The following KIAA0319 variants were observed in gnomAD, a reference collection of about 807,000 sequenced individuals.
KIAA0319 encodes KIAA0319.
A neutral mutation model predicts 108.4 loss-of-function variants in KIAA0319; 83 were observed. The ratio of observed to expected loss-of-function variants is 0.77; its 90% CI spans 0.64 to 0.92. The LOEUF (loss-of-function observed/expected upper bound fraction) is 0.92. KIAA0319 is among the 40% of genes least tolerant of loss of function. The pLI, the probability that KIAA0319 is intolerant of heterozygous loss-of-function variation, is 0.00. For synonymous variants in KIAA0319, 484 were observed against 510.4 expected (o/e 0.95, Z 0.70); for missense variants, 1,195 against 1,322.4 (o/e 0.90, Z 1.49).
intron 1 of KIAA0319, among the ~76,000 whole-genome samples, chr6:24,612,143 G>A (rs1698623280): frequency 6.6e-6 from 1 of 151,830 alleles, no homozygotes; most frequent in African/African-American, 2.4e-5. Context: ...TTTTACCTAA[G>A]AGATTGTCAC....
intron 1 of KIAA0319, among the ~76,000 whole-genome samples, chr6:24,629,470 G>C (rs1370107188): frequency 2.4e-5 from 3 of 124,166 alleles, no homozygotes; most frequent in Non-Finnish European, 4.7e-5. Context: ...AGCCGAGATC[G>C]TGCCACTGCA....
intron 14 of KIAA0319, among the ~76,000 whole-genome samples, 198 bp from the exon 15 acceptor site, chr6:24,564,538 G>T (rs547802887): frequency 1.3e-5 from 2 of 152,146 alleles, no homozygotes; most frequent in African/African-American, 4.8e-5. Context: ...AGCACCAGGG[G>T]GCACATCCTC....
At chr6:24,626,631 G>A (rs1774759470) in intron 1 of KIAA0319, among the ~76,000 whole-genome samples, 2 of 152,198 alleles carry the variant, frequency 1.3e-5, no homozygotes, top group African/African-American at 4.8e-5. Context: ...TAAATGTTCT[G>A]ATATGGGAAA....
intron 16 of KIAA0319, among the ~76,000 whole-genome samples, chr6:24,560,638 C>T (rs1226516786): frequency 1.3e-5 from 2 of 152,220 alleles, no homozygotes; most frequent in African/African-American, 2.4e-5. Flanking sequence ...GTTCTGTTAG[C>T]TCTGGTGCTG....
Position 24,566,723 on chromosome 6 carries a change from C to T in KIAA0319, c.2166G>A (p.Arg722=). 6.2e-7 allele frequency: 1 copy of T among 1,612,318 alleles called. No individual in the cohort carries two copies. The highest frequency in any genetic ancestry group is 8.5e-7 in the Non-Finnish European group (1 of 1,179,268). ...KKENNSPPRA[R]AGGRHVLVLP... is the part of the protein sequence containing the mutation. ...GCACAAGAACATGTCTGCCACCAGC[C>T]CGGGCTCTGGGAGGACTATTATTTT... Residue 722 remains arginine (R), a synonymous_variant, in exon 14 of 21, where the codon CGG becomes CGA. Transcript: ENST00000378214.
rs373537245 is a variant in KIAA0319, at chr6:24,630,710, T to TATATACAC, written c.-106+15025_-106+15026insGTGTATAT. On this transcript the variant is annotated intron_variant, in intron 1 of 20. Transcript: ENST00000378214. The stretch of plus-strand genomic sequence containing the variant: ...ATATATATATATATATATACACATA[T>TATATACAC]ACACACAAACTTTAGTACAGCTATC... Among the ~76,000 whole-genome samples the TATATACAC allele has an allele frequency of 4.2e-3, 585 of 138,670 alleles. 2 individuals carry two copies. The highest frequency in any genetic ancestry group is 0.017 in the African/African-American group (548 of 33,086). 91.0% of individuals were successfully genotyped at this position (138,670 alleles called of 152,430 possible). A position where few individuals can be genotyped will look rare whatever the true frequency, so the allele number is the denominator to read the frequency against.
intron 1 of KIAA0319, among the ~76,000 whole-genome samples, chr6:24,614,826 C>T (rs1202473450): frequency 1.3e-5 from 2 of 151,928 alleles, no homozygotes; most frequent in Non-Finnish European, 2.9e-5. Context: ...TTTTACCAGC[C>T]AGCCCCTCGC....
At chr6:24,612,591 T>A (rs1772494704) in intron 1 of KIAA0319, among the ~76,000 whole-genome samples, 1 of 152,262 alleles carries the variant, frequency 6.6e-6, no homozygotes, top group Non-Finnish European at 1.5e-5. Flanking sequence ...GCTCTTCATG[T>A]ACTGTTATAT....
At chr6:24,563,615 A>G (rs1266390135) in intron 15 of KIAA0319, 97 bp from the exon 16 acceptor site, 2 of 1,126,468 alleles carry the variant, frequency 1.8e-6, no homozygotes, top group Non-Finnish European at 2.4e-6. Context: ...AGTTACTCCT[A>G]TGCCATTTCT....
At chr6:24,573,545 A>T (rs1337338663) in intron 10 of KIAA0319, among the ~76,000 whole-genome samples, 1 of 152,248 alleles carries the variant, frequency 6.6e-6, no homozygotes, top group Non-Finnish European at 1.5e-5. Flanking sequence ...CAGTAAAAAA[A>T]TTTTTAAAGA....
chr6:24,631,014 T>C (rs546737920), intron 1 of KIAA0319, among the ~76,000 whole-genome samples: 103 of 152,374 alleles, frequency 6.8e-4, no homozygotes, highest in African/African-American at 2.3e-3. Flanking sequence ...CATAGCATTG[T>C]CCTACAGGCT....
At chr6:24,625,510 A>T (rs748303571) in intron 1 of KIAA0319, among the ~76,000 whole-genome samples, 9 of 152,210 alleles carry the variant, frequency 5.9e-5, no homozygotes, top group Non-Finnish European at 1.2e-4. Context: ...TGCCCCTAAG[A>T]TCAGGAAGAA....
chr6:24,554,458 C>T, intron 19 of KIAA0319, 83 bp downstream of exon 19: 1 of 964,858 alleles, frequency 1.0e-6, no homozygotes, highest in Non-Finnish European at 1.6e-6. Context: ...AGTGGTTTAA[C>T]AAGTCCAAGT....
chr6:24,630,441 G>A (rs1375193559), intron 1 of KIAA0319, among the ~76,000 whole-genome samples: 8 of 149,134 alleles, frequency 5.4e-5, no homozygotes, highest in African/African-American at 1.7e-4. Flanking sequence ...CCCGGGAGGC[G>A]GAGGTTGCAG....
chr6:24,554,497 T>A (rs565022237), intron 19 of KIAA0319, 44 bp downstream of exon 19: 1 of 1,359,050 alleles, frequency 7.4e-7, no homozygotes, highest in South Asian at 1.2e-5. Flanking sequence ...CAAAACACAC[T>A]TAGTGTAGGG....
Position 24,599,525 on chromosome 6 carries a change from C to T in KIAA0319, c.55+1524G>A, listed in dbSNP as rs992245394. ...CCCTGGACATCGAGATTGTCACCTA[C>T]AGGAAGGTGCTGGAGGGCGAGGAGA... On this transcript the variant is annotated intron_variant, in intron 2 of 20. Coordinates refer to ENST00000378214, the MANE Select transcript of KIAA0319 (RefSeq NM_014809.4). This position sits in a 1 kb window ranked among gnomAD's most constrained non-coding sequence, Gnocchi z 4.1. 1.1e-5 allele frequency: 6 copies of T among 570,212 alleles called. No homozygotes were observed. The highest frequency in any genetic ancestry group is 1.5e-5 in the South Asian group (1 of 66,670). The allele number at this position is 570,212 out of a possible 1,614,324, so 35.3% of individuals were successfully genotyped here.
At chr6:24,572,772 C>A in intron 10 of KIAA0319, 74 bp from the exon 11 acceptor site, 1 of 1,363,624 alleles carries the variant, frequency 7.3e-7, no homozygotes, top group Non-Finnish European at 9.8e-7. Flanking sequence ...AATAGTATGA[C>A]AGAATGAAAA....
At position 24,564,262 on chromosome 6, in the gene KIAA0319, G is replaced by A. The variant is rs756526138; in HGVS notation, c.2371C>T (p.Arg791Ter). 13 of 1,614,080 alleles carry A rather than the reference G, an allele frequency of 8.1e-6. No individual in the cohort carries two copies. The highest frequency in any genetic ancestry group is 2.7e-5 in the African/African-American group (2 of 75,010). ...LVEGVYTFHLRVTDSQGASDT... is the reference protein window; with the variant it reads ...LVEGVYTFHL ...GAGGCCCCCTGACTGTCGGTGACTC[G>A]CAAGTGGAAAGTGTACACCCCCTCC... Residue 791 changes from arginine to a stop codon, truncating the protein, a stop_gained, in exon 15 of 21, where the codon CGA (arginine) becomes TGA (stop). Coordinates refer to ENST00000378214, the MANE Select transcript of KIAA0319 (RefSeq NM_014809.4). LOFTEE classifies it high-confidence loss of function.
intron 3 of KIAA0319, among the ~76,000 whole-genome samples, chr6:24,591,817 T>G (rs776503158): frequency 1.2e-4 from 18 of 152,266 alleles, no homozygotes; most frequent in Non-Finnish European, 7.3e-5. Context: ...TTTCATGTGC[T>G]TCTTGGCTAT....
Sources: allele counts gnomAD v4.1 joint callset (sites outside exome capture counted in the v4.1 genomes callset), GRCh38; gene constraint gnomAD v4.1.1; non-coding constraint Gnocchi (gnomAD v3.1); transcripts MANE v1.5; gene names NCBI Gene and HGNC (gene_info 2026-07-23, HGNC 2026-07-21).